The following ANGPTL1 variants were observed in gnomAD, a reference collection of about 807,000 sequenced individuals.
The protein encoded by ANGPTL1 is angiopoietin like 1.
Under a neutral mutation model 46.7 loss-of-function variants are expected in ANGPTL1, and 36 were observed. The observed-to-expected ratio is 0.77, with a 90% confidence interval of 0.59 to 1.02. The LOEUF is 1.02. ANGPTL1 is among the 50% of genes least tolerant of loss of function. ANGPTL1 has a pLI of 0.00. For synonymous variants in ANGPTL1, 221 were observed against 204.3 expected (o/e 1.08, Z -0.69); for missense variants, 571 against 594.7 (o/e 0.96, Z 0.41).
chr1:178,861,431 A>C (rs1440677967), intron 3 of ANGPTL1, among the ~76,000 whole-genome samples: 1 of 151,838 alleles, frequency 6.6e-6, no homozygotes. Context: ...TATGAGGTTT[A>C]ATTCTGTAGC....
intron 3 of ANGPTL1, among the ~76,000 whole-genome samples, chr1:178,855,978 TAATA>T (rs1657511896): frequency 1.3e-5 from 2 of 148,352 alleles, no homozygotes; most frequent in Non-Finnish European, 3.0e-5. Context: ...AACAAAAAAG[TAATA>T]TATATAAGAA....
intron 2 of ANGPTL1, among the ~76,000 whole-genome samples, chr1:178,867,421 C>CAA (rs1658484911): frequency 6.6e-6 from 1 of 152,066 alleles, no homozygotes; most frequent in Non-Finnish European, 1.5e-5. Context: ...TGTAGCTTAA[C>CAA]ACATGTTAAC....
intron 2 of ANGPTL1, 84 bp downstream of exon 2, chr1:178,869,030 A>G (rs529278187): frequency 9.2e-5 from 14 of 152,186 alleles, no homozygotes; most frequent in Non-Finnish European, 1.6e-4. Context: ...CCATAAATCT[A>G]TGTTACCTCA....
intron 2 of ANGPTL1, among the ~76,000 whole-genome samples, chr1:178,867,791 T>C (rs1354987035): frequency 2.0e-5 from 3 of 151,878 alleles, no homozygotes; most frequent in East Asian, 3.8e-4. Context: ...CTGATAGTTA[T>C]ATATCTAACC....
rs1657281497 is a variant in ANGPTL1, at chr1:178,852,961, T to C, written c.1018-8A>G. On this transcript the variant is annotated splice_polypyrimidine_tract_variant and splice_region_variant and intron_variant, in intron 4 of 5. Transcript: ENST00000234816. ...AATGTTTCCAAACCCTTTCTGTTAA[T>C]AAGTGAAGAAACATGAGTGCATAAA... The C allele has an allele frequency of 6.2e-7, 1 of 1,601,256 alleles. No individual in the cohort carries two copies. Among genetic ancestry groups the C allele is most frequent in the African/African-American group, 1.4e-5 (1 of 74,022 alleles).
At chr1:178,868,035 TAGGG>T (rs1658528092) in intron 2 of ANGPTL1, among the ~76,000 whole-genome samples, 1 of 151,964 alleles carries the variant, frequency 6.6e-6, no homozygotes, top group African/African-American at 2.4e-5. Flanking sequence ...AAACAAAAGA[TAGGG>T]AGGACATAAC....
At chr1:178,867,697 T>A (rs1480930958) in intron 2 of ANGPTL1, among the ~76,000 whole-genome samples, 1 of 152,066 alleles carries the variant, frequency 6.6e-6, no homozygotes, top group Non-Finnish European at 1.5e-5. Flanking sequence ...TTGGTAGAAT[T>A]TGTGTCCACG....
At chr1:178,862,228 T>C (rs934038868) in intron 3 of ANGPTL1, among the ~76,000 whole-genome samples, 8 of 152,154 alleles carry the variant, frequency 5.3e-5, no homozygotes, top group Admixed American at 2.0e-4. Flanking sequence ...GGCCTATTGC[T>C]ACTGTAACTT....
Position 178,862,337 on chromosome 1 carries a change from G to A in ANGPTL1, c.823+2617C>T, listed in dbSNP as rs115989982. ...CAATTTTAAGAAGCTCTATAAAAAT[G>A]TCACCAAATCAACTAACACATATTT... On this transcript the variant is annotated intron_variant, in intron 3 of 5. Transcript: ENST00000234816. 3.7e-3 allele frequency among the ~76,000 whole-genome samples: 559 copies of A among 152,178 alleles called. 5 individuals carry two copies. The highest frequency in any genetic ancestry group is 0.012 in the African/African-American group (506 of 41,520).
chr1:178,853,862 T>G, intron 3 of ANGPTL1, 75 bp from the exon 4 acceptor site: 1 of 1,233,508 alleles, frequency 8.1e-7, no homozygotes, highest in Non-Finnish European at 1.1e-6. Context: ...TAATCAAGAT[T>G]TTTACCTTTG....
chr1:178,857,527 G>A (rs778847668), intron 3 of ANGPTL1, among the ~76,000 whole-genome samples: 11 of 152,140 alleles, frequency 7.2e-5, no homozygotes, highest in Non-Finnish European at 1.2e-4. Flanking sequence ...TGGTAGCAAA[G>A]TCTAAGAACT....
chr1:178,865,213 GTTA>G lies in ANGPTL1; in HGVS notation c.561_563del (p.Asn188del). The G allele has an allele frequency of 6.2e-7, 1 of 1,614,046 alleles. No homozygotes were observed. The highest frequency in any genetic ancestry group is 8.5e-7 in the Non-Finnish European group (1 of 1,179,970). ...CCAACAAAGTGATCATCACAGATTGGTTATTGACAAGATCAGTCAAGGAAGCGT... is the reference window on the plus strand; with the variant it reads ...CCAACAAAGTGATCATCACAGATTGGTTGACAAGATCAGTCAAGGAAGCGT... On this transcript the variant is annotated inframe_deletion, in exon 3 of 6. Transcript: ENST00000234816.
intron 3 of ANGPTL1, among the ~76,000 whole-genome samples, chr1:178,859,191 C>T (rs1280364717): frequency 6.6e-6 from 1 of 151,948 alleles, no homozygotes; most frequent in Non-Finnish European, 1.5e-5. Context: ...CTGGCTAATA[C>T]AGTCATTTTC....
chr1:178,858,109 T>C (rs1657717376), intron 3 of ANGPTL1, among the ~76,000 whole-genome samples: 1 of 152,156 alleles, frequency 6.6e-6, no homozygotes, highest in Non-Finnish European at 1.5e-5. Context: ...ATGGATAAAA[T>C]TTAGCAGTGC....
chr1:178,865,080 G>A lies in ANGPTL1; in HGVS notation c.697C>T (p.Leu233=). Residue 233 remains leucine, a synonymous_variant, in exon 3 of 6, where the codon CTG becomes TTG. Transcript: ENST00000234816. ...IPNSQQYTPG[L]LGGNEIQRDP... is the part of the protein sequence containing the mutation. ...CTCTGAATCTCGTTACCTCCCAGCA[G>A]ACCAGGAGTATACTGTTGGCTGTTA... 1 of 1,539,778 alleles carries A rather than the reference G, an allele frequency of 6.5e-7. No homozygotes were observed. Among genetic ancestry groups the A allele is most frequent in the Non-Finnish European group, 8.8e-7 (1 of 1,141,802 alleles).
intron 3 of ANGPTL1, among the ~76,000 whole-genome samples, chr1:178,862,831 C>CT (rs1351959962): frequency 6.6e-6 from 1 of 152,066 alleles, no homozygotes; most frequent in Non-Finnish European, 1.5e-5. Context: ...GCAAATTGGA[C>CT]TTTTTCTGTT....
intron 3 of ANGPTL1, among the ~76,000 whole-genome samples, chr1:178,861,924 G>A (rs989145864): frequency 6.6e-6 from 1 of 152,126 alleles, no homozygotes; most frequent in Non-Finnish European, 1.5e-5. Flanking sequence ...CCAGGCTGGA[G>A]TGCAGTGGTG....
intron 5 of ANGPTL1, 54 bp from the exon 6 acceptor site, chr1:178,851,370 T>C: frequency 6.9e-7 from 1 of 1,446,440 alleles, no homozygotes; most frequent in Non-Finnish European, 9.2e-7. Flanking sequence ...GGTGTGGTAC[T>C]CTGCAATCAT....
In ANGPTL1 at chr1:178,851,078, G is replaced by A; in HGVS notation, c.*51C>T. ...ATACATGTAACATTTACATTTTTAA[G>A]AGCTGAAAAGTACAAAGTTCTGTGT... On this transcript the variant is annotated 3_prime_UTR_variant, in exon 6 of 6. Transcript: ENST00000234816. The A allele has an allele frequency of 6.7e-7, 1 of 1,492,956 alleles. No individual in the cohort carries two copies. The highest frequency in any genetic ancestry group is 9.0e-7 in the Non-Finnish European group (1 of 1,110,790). The allele number at this position is 1,492,956 out of a possible 1,614,324, so 92.5% of individuals were successfully genotyped here. A position where few individuals can be genotyped will look rare whatever the true frequency, so the allele number is the denominator to read the frequency against.
Sources: allele counts gnomAD v4.1 joint callset (sites outside exome capture counted in the v4.1 genomes callset), GRCh38; gene constraint gnomAD v4.1.1; transcripts MANE v1.5; gene names NCBI Gene and HGNC (gene_info 2026-07-23, HGNC 2026-07-21).